The following CTNNA3 variants were observed in gnomAD, a reference collection of about 807,000 sequenced individuals.
The protein encoded by CTNNA3 is catenin alpha 3, also known as catenin alpha-3.
CTNNA3 carries 76 observed loss-of-function variants against 95.7 expected under a neutral mutation model. That is an observed-to-expected ratio of 0.79 (90% confidence interval 0.66 to 0.96). CTNNA3 has a LOEUF of 0.96. Ranked by LOEUF, CTNNA3 falls within the 40% of genes least tolerant of loss-of-function variation. CTNNA3 has a pLI of 0.00. For synonymous variants in CTNNA3, 431 were observed against 374.4 expected (o/e 1.15, Z -1.74); for missense variants, 1,191 against 1,089.8 (o/e 1.09, Z -1.31).
intron 3 of CTNNA3, among the ~76,000 whole-genome samples, chr10:67,588,232 A>G (rs574705658): frequency 3.3e-5 from 2 of 61,300 alleles, no homozygotes; most frequent in African/African-American, 5.4e-4. Context: ...CTATCTTATT[A>G]TTAATTATTA....
intron 5 of CTNNA3, among the ~76,000 whole-genome samples, chr10:67,293,204 C>T (rs941151719): frequency 2.6e-5 from 4 of 152,046 alleles, no homozygotes; most frequent in Non-Finnish European, 5.9e-5. Context: ...GACTTTTCAA[C>T]CTAATGTTTT....
At chr10:66,539,271 A>G (rs1251934385) in intron 10 of CTNNA3, among the ~76,000 whole-genome samples, 1 of 152,174 alleles carries the variant, frequency 6.6e-6, no homozygotes, top group Non-Finnish European at 1.5e-5. Flanking sequence ...AAAGAGGGGC[A>G]GGTGAGCAGG....
At position 67,754,209 on chromosome 10, in the gene CTNNA3, C is replaced by T. The variant is rs1015457635; in HGVS notation, c.-2+9225G>A. Among the ~76,000 whole-genome samples, 7 of 152,216 alleles carry T rather than the reference C, an allele frequency of 4.6e-5. No individual in the cohort carries two copies. In the South Asian group the frequency reaches 1.0e-3, roughly 23 times the overall value. On this transcript the variant is annotated intron_variant, in intron 1 of 17. Transcript: ENST00000684154. ...AGCCATTATTTTCAGCAAACTCACA[C>T]AGGAACAGAAAACCAAATACCGCAT...
chr10:67,148,978 G>T (rs1860965693), intron 7 of CTNNA3, among the ~76,000 whole-genome samples: 1 of 152,136 alleles, frequency 6.6e-6, no homozygotes, highest in African/African-American at 2.4e-5. Context: ...AGTATAAATT[G>T]TCTTATGGCT....
chr10:66,382,527 C>T (rs1465833344), intron 11 of CTNNA3, among the ~76,000 whole-genome samples: 1 of 151,730 alleles, frequency 6.6e-6, no homozygotes, highest in Admixed American at 6.6e-5. Context: ...CAGAAGACAA[C>T]TTTGGCAGGC....
chr10:66,711,107 A>G (rs1289056855), intron 9 of CTNNA3, among the ~76,000 whole-genome samples: 1 of 152,030 alleles, frequency 6.6e-6, no homozygotes, highest in Non-Finnish European at 1.5e-5. Flanking sequence ...ATTTTTGGTG[A>G]GTGAACATAA....
At chr10:65,960,540 G>GTTTTTTTACAAACT (rs2077822524) in intron 17 of CTNNA3, among the ~76,000 whole-genome samples, 1 of 152,070 alleles carries the variant, frequency 6.6e-6, no homozygotes, top group African/African-American at 2.4e-5. Context: ...CAAAAAAAAA[G>GTTTTTTTACAAACT]ATTCAGGGGG....
At chr10:66,160,095 T>C (rs2133931312) in intron 13 of CTNNA3, among the ~76,000 whole-genome samples, 1 of 152,174 alleles carries the variant, frequency 6.6e-6, no homozygotes, top group Admixed American at 6.6e-5. Context: ...TTGCTGATGG[T>C]TTATCAGTTT....
chr10:67,013,242 T>TATA (rs1173380133), intron 7 of CTNNA3, among the ~76,000 whole-genome samples: 3 of 151,534 alleles, frequency 2.0e-5, no homozygotes, highest in Non-Finnish European at 4.4e-5. Flanking sequence ...AATACTCTAT[T>TATA]AAGTTGCCTC....
chr10:67,552,075 G>A (rs1443293777), intron 3 of CTNNA3, among the ~76,000 whole-genome samples: 1 of 152,186 alleles, frequency 6.6e-6, no homozygotes, highest in East Asian at 1.9e-4. Flanking sequence ...TAAAACAGGA[G>A]ATCTCATTGA....
intron 13 of CTNNA3, among the ~76,000 whole-genome samples, chr10:66,277,241 A>G (rs552845761): frequency 2.6e-5 from 4 of 152,256 alleles, no homozygotes; most frequent in African/African-American, 9.6e-5. Flanking sequence ...ATAAAATGCC[A>G]AGTTCTGATC....
At chr10:67,502,559 C>A (rs1839267664) in intron 5 of CTNNA3, among the ~76,000 whole-genome samples, 1 of 152,194 alleles carries the variant, frequency 6.6e-6, no homozygotes, top group Non-Finnish European at 1.5e-5. Context: ...TCTGCTGAAT[C>A]TGTGCCCACA....
intron 16 of CTNNA3, among the ~76,000 whole-genome samples, chr10:65,978,092 T>A (rs1303517207): frequency 6.6e-6 from 1 of 152,074 alleles, no homozygotes; most frequent in African/African-American, 2.4e-5. Flanking sequence ...TTCCTGACTC[T>A]ATCAAGTCCC....
chr10:67,385,731 C>G (rs1385771683), intron 5 of CTNNA3, among the ~76,000 whole-genome samples: 2 of 151,786 alleles, frequency 1.3e-5, no homozygotes, highest in Non-Finnish European at 2.9e-5. Context: ...AAAGCAACAG[C>G]ACCATCAGAG....
chr10:66,512,694 G>A (rs1458111010), intron 11 of CTNNA3, among the ~76,000 whole-genome samples: 7 of 152,126 alleles, frequency 4.6e-5, no homozygotes, highest in African/African-American at 1.4e-4. Context: ...CAGTTTAACA[G>A]TGATTAATTC....
Position 67,106,894 on chromosome 10 carries a change from C to T in CTNNA3, c.1047+73423G>A, listed in dbSNP as rs899792303. Among the ~76,000 whole-genome samples the T allele has an allele frequency of 1.1e-4, 17 of 151,986 alleles. 1 individual carries two copies. Among genetic ancestry groups the T allele is most frequent in the Non-Finnish European group, 1.3e-4 (9 of 67,998 alleles). On this transcript the variant is annotated intron_variant, in intron 7 of 17. Transcript: ENST00000433211. ...AGATACATGAGTATATGACATAGTC[C>T]CTGTGCCCAAGGGACTTACAGTCTT... is the stretch of plus-strand genomic sequence containing the variant.
chr10:67,574,352 T>A (rs1362587670), intron 3 of CTNNA3, among the ~76,000 whole-genome samples: 1 of 152,150 alleles, frequency 6.6e-6, no homozygotes, highest in Non-Finnish European at 1.5e-5. Flanking sequence ...TCTGTGTCCT[T>A]ACCCTTTCTT....
At chr10:67,611,969 T>G (rs557608227) in intron 2 of CTNNA3, among the ~76,000 whole-genome samples, 1 of 152,276 alleles carries the variant, frequency 6.6e-6, no homozygotes, top group Admixed American at 6.5e-5. Flanking sequence ...AAAACTGTGA[T>G]CTTTCAAAGT....
At chr10:66,651,498 C>A (rs551358964) in intron 9 of CTNNA3, among the ~76,000 whole-genome samples, 2 of 151,894 alleles carry the variant, frequency 1.3e-5, no homozygotes, top group Admixed American at 1.3e-4. Flanking sequence ...TGGGACTGGG[C>A]GCCGCAGAGA....
Sources: gnomAD v4.1 joint callset for allele counts (sites outside exome capture counted in the v4.1 genomes callset) on GRCh38, gnomAD v4.1.1 for gene constraint, MANE v1.5 for transcripts, NCBI Gene and HGNC (gene_info 2026-07-23, HGNC 2026-07-21) for gene names.